Variants in CA6 observed in about 807,000 individuals in gnomAD.
The protein encoded by CA6 is carbonate dehydratase VI.
In CA6, 28 loss-of-function variants were observed where a neutral mutation model predicts 35.9. The observed-to-expected ratio is 0.78, with a 90% CI of 0.58 to 1.07. The LOEUF (loss-of-function observed/expected upper bound fraction) is 1.07, where lower values mean the gene tolerates loss of function less well. CA6 is among the 50% of genes least tolerant of loss of function. The pLI is 0.00. For synonymous variants in CA6, 148 were observed against 152.6 expected (o/e 0.97, Z 0.22); for missense variants, 377 against 382.0 (o/e 0.99, Z 0.11).
intron 7 of CA6, chr1:8,974,287 C>T (rs530555064): frequency 9.6e-4 from 1,119 of 1,161,618 alleles, no homozygotes; most frequent in Non-Finnish European, 1.2e-3. Context: ...AAAAACAAGA[C>T]GATGGCCAAA....
At position 8,967,800 on chromosome 1, in the gene CA6, A is replaced by C; in HGVS notation, c.713A>C (p.Lys238Thr). Reference protein sequence around the residue: ...VHWFVLADFVKLSRTQVWKLE... With the variant: ...VHWFVLADFVTLSRTQVWKLE... ...TGGTTTGTGCTGGCAGATTTTGTCA[A>C]GCTCTCCAGGACACAGGTAATGTAT... The change falls in exon 6 of 8, where the codon AAG becomes ACG. Residue 238 changes from lysine to threonine, a missense_variant. Coordinates refer to ENST00000377443, the MANE Select transcript of CA6 (RefSeq NM_001215.4). 1 of 1,614,034 alleles carries C rather than the reference A, an allele frequency of 6.2e-7. No individual in the cohort carries two copies. The highest frequency in any genetic ancestry group is 1.1e-5 in the South Asian group (1 of 91,084).
At chr1:8,950,202 G>A (rs1233007505) in intron 2 of CA6, among the ~76,000 whole-genome samples, 2 of 151,850 alleles carry the variant, frequency 1.3e-5, no homozygotes, top group African/African-American at 4.8e-5. Context: ...AGGCTGGTCT[G>A]GAACTCCTGA....
At chr1:8,971,094 G>A in intron 7 of CA6, 113 bp downstream of exon 7, 1 of 766,060 alleles carries the variant, frequency 1.3e-6, no homozygotes, top group Non-Finnish European at 2.3e-6. Context: ...CATTTCAGTA[G>A]CAAGAGGCTC....
chr1:8,950,071 C>T (rs1182936268), intron 2 of CA6, among the ~76,000 whole-genome samples: 1 of 152,056 alleles, frequency 6.6e-6, no homozygotes, highest in Non-Finnish European at 1.5e-5. Context: ...CCTCCACCTC[C>T]TGGGTTCAAG....
chr1:8,973,710 C>CTCCTT (rs1640168375), intron 7 of CA6, among the ~76,000 whole-genome samples: 1 of 106,428 alleles, frequency 9.4e-6, no homozygotes, highest in Admixed American at 1.0e-4. Flanking sequence ...TTCTTTCTCT[C>CTCCTT]TCTTTCTTTC....
At chr1:8,967,427 C>G (rs564401763) in intron 5 of CA6, among the ~76,000 whole-genome samples, 1 of 152,112 alleles carries the variant, frequency 6.6e-6, no homozygotes, top group Non-Finnish European at 1.5e-5. Context: ...AGGGTGAGCA[C>G]CCGGCCAAGA....
At chr1:8,972,792 G>A (rs1410830044) in intron 7 of CA6, among the ~76,000 whole-genome samples, 2 of 152,068 alleles carry the variant, frequency 1.3e-5, no homozygotes, top group Non-Finnish European at 2.9e-5. Flanking sequence ...TTCACTTACT[G>A]AATTAACAGA....
At chr1:8,959,650 G>A (rs1639781596) in intron 4 of CA6, among the ~76,000 whole-genome samples, 2 of 151,964 alleles carry the variant, frequency 1.3e-5, no homozygotes, top group Admixed American at 6.5e-5. Context: ...TAGATGGTGG[G>A]GCCGGGCGTG....
chr1:8,970,543 C>CT (rs1640082018), intron 6 of CA6, among the ~76,000 whole-genome samples: 1 of 151,998 alleles, frequency 6.6e-6, no homozygotes, highest in South Asian at 2.1e-4. Flanking sequence ...GAGTTTCTCT[C>CT]TGTCTCCCAG....
At chr1:8,971,048 G>T in intron 7 of CA6, 67 bp downstream of exon 7, 1 of 1,035,270 alleles carries the variant, frequency 9.7e-7, no homozygotes, top group South Asian at 1.3e-5. Flanking sequence ...CCTCTAGGTG[G>T]ACCCATCTCT....
rs758271140 is a variant in CA6 at position 8,970,901 on chromosome 1, G to A, written c.764G>A (p.Arg255His). Residue 255 changes from arginine to histidine, a missense_variant, in exon 7 of 8, where the codon CGC (arginine) becomes CAC (histidine). Arg to His is a conservative substitution (Grantham distance 29). Coordinates refer to ENST00000377443, the MANE Select transcript of CA6 (RefSeq NM_001215.4). ...WKLENSLLDH[R>H]NKTIHNDYRR... ...CTGGAGAATTCCTTACTGGATCACC[G>A]CAACAAGACCATCCACAACGATTAC... 1.2e-5 allele frequency: 19 copies of A among 1,613,832 alleles called. No homozygotes were observed. The highest frequency in any genetic ancestry group is 8.0e-5 in the African/African-American group (6 of 75,008).
chr1:8,945,958 C>T lies in CA6; in HGVS notation c.72C>T (p.Thr24=), dbSNP rs561780744. 2.1e-5 allele frequency: 34 copies of T among 1,611,916 alleles called. No homozygotes were observed. The South Asian group carries it at 3.1e-4, about 15-fold the overall frequency. The part of the protein sequence containing the change: ...GGQAQHVSDW[T]YSEGALDEAH... The stretch of plus-strand genomic sequence containing the variant: ...AGGCCCAGCATGTGTCTGACTGGAC[C>T]TACTCAGGTGAGCCCCTAGCTTCTG... The change falls in exon 1 of 8, where the codon ACC becomes ACT. Residue 24 remains threonine (T), a synonymous_variant. Coordinates refer to ENST00000377443, the MANE Select transcript of CA6 (RefSeq NM_001215.4).
chr1:8,947,420 C>A (rs1177240887), intron 1 of CA6, among the ~76,000 whole-genome samples: 1 of 152,072 alleles, frequency 6.6e-6, no homozygotes, highest in Non-Finnish European at 1.5e-5. Context: ...TCTGTTAAGT[C>A]AAGGGCAACG....
At chr1:8,968,522 G>A (rs557903592) in intron 6 of CA6, among the ~76,000 whole-genome samples, 7 of 152,136 alleles carry the variant, frequency 4.6e-5, no homozygotes, top group Admixed American at 2.6e-4. Flanking sequence ...CATTATAGAT[G>A]AGAACCAGCA....
Position 8,962,564 on chromosome 1 carries a change from C to T in CA6, c.502-23C>T, listed in dbSNP as rs201884724. ...CTGGGGCCTCTTCTTCACTTACGCT[C>T]AGTGCTCTGTGTTTCTCTGCAGGTG... On this transcript the variant is annotated intron_variant, in intron 4 of 7. Transcript: ENST00000377443. The T allele has an allele frequency of 5.8e-4, 930 of 1,598,592 alleles. 6 individuals carry two copies. The Middle Eastern group carries it at 0.016, about 27-fold the overall frequency.
intron 3 of CA6, among the ~76,000 whole-genome samples, chr1:8,958,077 C>T (rs1329822169): frequency 6.6e-6 from 1 of 152,170 alleles, no homozygotes; most frequent in African/African-American, 2.4e-5. Context: ...CAAGGTCCTG[C>T]CCTCACAGGA....
At chr1:8,953,138 C>T (rs1639584913) in intron 2 of CA6, among the ~76,000 whole-genome samples, 1 of 152,146 alleles carries the variant, frequency 6.6e-6, no homozygotes, top group Non-Finnish European at 1.5e-5. Context: ...CAGCATGTAG[C>T]CTTTTCACAT....
chr1:8,946,229 G>C (rs1444363558), intron 1 of CA6, among the ~76,000 whole-genome samples: 8 of 151,978 alleles, frequency 5.3e-5, no homozygotes, highest in Non-Finnish European at 1.2e-4. Flanking sequence ...GTAGAGACAG[G>C]GTTTCACCAT....
rs982706880 is a variant in CA6 at position 8,963,970 on chromosome 1, C to A, written c.571+1314C>A. ...ATGCTTTCTCCTCTCTCCTGAAGCC[C>A]CTGTGCCTGGGCTCCAGCAATTCCC... On this transcript the variant is annotated intron_variant, in intron 5 of 7. Coordinates refer to ENST00000377443, the MANE Select transcript of CA6 (RefSeq NM_001215.4). The surrounding 1 kb of genome is among the most constrained non-coding windows in gnomAD (Gnocchi z 4.1). 6.6e-5 allele frequency among the ~76,000 whole-genome samples: 10 copies of A among 152,344 alleles called. No homozygotes were observed. Among genetic ancestry groups the A allele is most frequent in the Non-Finnish European group, 7.3e-5 (5 of 68,028 alleles).
Sources: gnomAD v4.1 joint callset for allele counts (sites outside exome capture counted in the v4.1 genomes callset) on GRCh38, gnomAD v4.1.1 for gene constraint, Gnocchi (gnomAD v3.1) non-coding constraint, MANE v1.5 for transcripts, NCBI Gene and HGNC (gene_info 2026-07-23, HGNC 2026-07-21) for gene names.